RPS6KC1: variants seen among roughly 807,000 people sequenced by gnomAD.
RPS6KC1 encodes the protein inactive ribosomal protein S6 kinase delta-1.
RPS6KC1 carries 54 observed loss-of-function variants against 103.8 expected under a neutral mutation model. The ratio of observed to expected loss-of-function variants is 0.52; its 90% CI spans 0.42 to 0.65. The LOEUF (loss-of-function observed/expected upper bound fraction) is 0.65. Among genes scored for constraint, RPS6KC1 ranks in the 30% least tolerant of loss-of-function variants. RPS6KC1 has a pLI of 0.00. For missense variants in RPS6KC1, 1,151 were observed against 1,253.8 expected, an observed-to-expected ratio of 0.92 and a Z score of 1.24; for synonymous variants, 439 against 438.7, an observed-to-expected ratio of 1.00 and a Z score of -0.01.
chr1:213,298,034 T>G, the RPS6KC1 span, among the ~76,000 whole-genome samples: 1 of 152,220 alleles, frequency 6.6e-6, no homozygotes, highest in Non-Finnish European at 1.5e-5. Context: ...AGTCCCTGCT[T>G]CAAGCTGAGC....
the RPS6KC1 span, among the ~76,000 whole-genome samples, chr1:213,697,023 G>A: frequency 3.9e-5 from 6 of 152,288 alleles, no homozygotes; most frequent in Admixed American, 1.3e-4. Context: ...GGATCCCTGC[G>A]CCCCCTCCTC....
At chr1:213,157,817 G>C (rs2090065845) in intron 6 of RPS6KC1, among the ~76,000 whole-genome samples, 1 of 152,070 alleles carries the variant, frequency 6.6e-6, no homozygotes, top group South Asian at 2.1e-4. Context: ...CCTTATTTCT[G>C]TCATTTTTTG....
chr1:213,329,832 C>T, the RPS6KC1 span, among the ~76,000 whole-genome samples: 1 of 152,106 alleles, frequency 6.6e-6, no homozygotes, highest in Non-Finnish European at 1.5e-5. Context: ...ACCGTTGGAC[C>T]CCCCCAACCC....
At chr1:213,365,316 T>C in the RPS6KC1 span, among the ~76,000 whole-genome samples, 29 of 152,370 alleles carry the variant, frequency 1.9e-4, no homozygotes, top group Admixed American at 5.9e-4. Flanking sequence ...TCTTTCTCTC[T>C]GTCTCTCCCC....
chr1:213,805,040 C>T, the RPS6KC1 span, among the ~76,000 whole-genome samples: 1 of 152,202 alleles, frequency 6.6e-6, no homozygotes, highest in Non-Finnish European at 1.5e-5. Context: ...TGAGCAATAG[C>T]TTTGTGTCTA....
the RPS6KC1 span, among the ~76,000 whole-genome samples, chr1:213,487,811 G>T: frequency 0.034 from 5,229 of 152,164 alleles, 113 homozygotes; most frequent in Non-Finnish European, 0.053. Context: ...ACCTAGAATT[G>T]TATCAGGAAT....
the RPS6KC1 span, among the ~76,000 whole-genome samples, chr1:213,680,808 G>A: frequency 0.26 from 39,375 of 151,916 alleles, 5,901 homozygotes; most frequent in East Asian, 0.44. Flanking sequence ...GATCTGCATG[G>A]GAAAAAACCA....
At chr1:213,577,634 AGGTGACTG>A in the RPS6KC1 span, among the ~76,000 whole-genome samples, 1 of 152,186 alleles carries the variant, frequency 6.6e-6, no homozygotes, top group African/African-American at 2.4e-5. Flanking sequence ...ACTGGGGCAA[AGGTGACTG>A]GTGACATTTT....
chr1:213,307,515 G>A, the RPS6KC1 span, among the ~76,000 whole-genome samples: 2 of 152,148 alleles, frequency 1.3e-5, no homozygotes, highest in African/African-American at 2.4e-5. Context: ...GTAAAACTTT[G>A]TGTATTTTCA....
At chr1:213,735,436 C>G in the RPS6KC1 span, among the ~76,000 whole-genome samples, 11 of 152,222 alleles carry the variant, frequency 7.2e-5, no homozygotes, top group Non-Finnish European at 1.3e-4. Flanking sequence ...CTGCACCACC[C>G]TTGTTCTATT....
In RPS6KC1 at chr1:213,272,793, C is replaced by A; in HGVS notation, c.*159C>A. 1.8e-6 allele frequency: 1 copy of A among 563,972 alleles called. No individual in the cohort carries two copies. Among genetic ancestry groups the A allele is most frequent in the Non-Finnish European group, 3.2e-6 (1 of 311,128 alleles). 34.9% of individuals were successfully genotyped at this position (563,972 alleles called of 1,614,324 possible). On this transcript the variant is annotated 3_prime_UTR_variant, in exon 15 of 15. Transcript: ENST00000366960. ...GGGAAATGGCTAAAAGAGAACAATT[C>A]GTTTACAATTACAAGATATTAGCTA...
rs188340555 is a variant in RPS6KC1, at chr1:213,076,432, A to T, written c.142-1264A>T. Among the ~76,000 whole-genome samples, 87 of 152,294 alleles carry T rather than the reference A, an allele frequency of 5.7e-4. 1 individual carries two copies. Among genetic ancestry groups the T allele is most frequent in the African/African-American group, 2.1e-3 (86 of 41,558 alleles). Reference sequence around the variant, plus strand: ...CCTGTTATTTGCTCATTAGCATTATACTCTATTGTATATGAAAAACTTGTT... The same window carrying T: ...CCTGTTATTTGCTCATTAGCATTATTCTCTATTGTATATGAAAAACTTGTT... On this transcript the variant is annotated intron_variant, in intron 2 of 14. Coordinates refer to ENST00000366960, the MANE Select transcript of RPS6KC1 (RefSeq NM_012424.6).
At chr1:213,851,353 T>G in the RPS6KC1 span, among the ~76,000 whole-genome samples, 1 of 152,226 alleles carries the variant, frequency 6.6e-6, no homozygotes, top group South Asian at 2.1e-4. Context: ...TCACCTTCCT[T>G]TAAGTCTTCA....
chr1:213,371,541 C>A, the RPS6KC1 span, among the ~76,000 whole-genome samples: 4 of 152,170 alleles, frequency 2.6e-5, no homozygotes, highest in East Asian at 7.7e-4. Context: ...GTGGCTGAGC[C>A]ACTTTACGTT....
chr1:213,785,534 A>G, the RPS6KC1 span, among the ~76,000 whole-genome samples: 3 of 148,150 alleles, frequency 2.0e-5, no homozygotes, highest in African/African-American at 7.6e-5. Flanking sequence ...CCAATAGTTT[A>G]TCTCCATGCC....
chr1:213,795,953 C>G, the RPS6KC1 span, among the ~76,000 whole-genome samples: 1 of 152,128 alleles, frequency 6.6e-6, no homozygotes, highest in African/African-American at 2.4e-5. Context: ...TTTAGACAGC[C>G]CTGGAACAAG....
At chr1:213,113,550 G>A (rs1353943419) in intron 4 of RPS6KC1, among the ~76,000 whole-genome samples, 1 of 150,930 alleles carries the variant, frequency 6.6e-6, no homozygotes, top group Non-Finnish European at 1.5e-5. Context: ...CTGTGCAGAA[G>A]CTCTTTAGTT....
chr1:213,241,205 G>T lies in RPS6KC1; in HGVS notation c.1729G>T (p.Asp577Tyr), dbSNP rs923738046. 1.2e-6 allele frequency: 2 copies of T among 1,613,590 alleles called. No individual in the cohort carries two copies. The highest frequency in any genetic ancestry group is 2.7e-5 in the African/African-American group (2 of 74,904). Residue 577 changes from aspartate to tyrosine, a missense_variant, in exon 11 of 15, where the codon GAC becomes TAC. This residue lies in a region of RPS6KC1 where 959 missense variants were observed against 1,006.3 expected (regional missense o/e 0.95). Coordinates refer to ENST00000366960, the MANE Select transcript of RPS6KC1 (RefSeq NM_012424.6). The stretch of plus-strand genomic sequence containing the variant: ...CGAGCTGAAGTTCTTCCCCAACGAT[G>T]ACCCAGAAGCAGTTAGTTCTCCAAG... ...AHELKFFPND[D>Y]PEAVSSPRTS...
At position 213,120,772 on chromosome 1, in the gene RPS6KC1, A is replaced by G. The variant is rs544732650; in HGVS notation, c.472+3362A>G. 7.2e-5 allele frequency among the ~76,000 whole-genome samples: 11 copies of G among 152,196 alleles called. No individual in the cohort carries two copies. In the East Asian group the frequency reaches 2.1e-3, roughly 29 times the overall value. Reference sequence around the variant, plus strand: ...AGGCAGAGGGGGTAAATCTTAATATATAGTCTGCTGTTTCAATGTTCTTTA... The same window carrying G: ...AGGCAGAGGGGGTAAATCTTAATATGTAGTCTGCTGTTTCAATGTTCTTTA... On this transcript the variant is annotated intron_variant, in intron 5 of 14. Transcript: ENST00000366960.
Sources: gnomAD v4.1 joint callset for allele counts (sites outside exome capture counted in the v4.1 genomes callset) on GRCh38, gnomAD v4.1.1 for gene constraint, gnomAD v4.1.1 regional missense constraint, MANE v1.5 for transcripts, NCBI Gene and HGNC (gene_info 2026-07-23, HGNC 2026-07-21) for gene names.